Variants in GNAO1 observed in about 807,000 individuals in gnomAD.
The protein encoded by GNAO1 is guanine nucleotide-binding protein G(o) subunit alpha.
For synonymous variants in GNAO1, 164 were observed against 180.7 expected (o/e 0.91, Z 0.74); for missense variants, 166 against 478.7 (o/e 0.35, Z 6.10).
At chr16:56,203,922 TC>T (rs1276907885) in intron 2 of GNAO1, among the ~76,000 whole-genome samples, 1 of 152,152 alleles carries the variant, frequency 6.6e-6, no homozygotes, top group African/African-American at 2.4e-5. Context: ...ATTATAGGGT[TC>T]CCTGATAGTT....
At position 56,243,730 on chromosome 16, in the gene GNAO1, G is replaced by A. The variant is rs1596817446; in HGVS notation, c.162-32201G>A. On this transcript the variant is annotated intron_variant, in intron 2 of 8. Coordinates refer to ENST00000262493, the MANE Select transcript of GNAO1 (RefSeq NM_020988.3). ...TGTTCCAGAATTGACTATAGTGATG[G>A]TTGTACATATCTGTGACTGTACCAA... is the stretch of plus-strand genomic sequence containing the variant. Among the ~76,000 whole-genome samples, 10 of 152,222 alleles carry A rather than the reference G, an allele frequency of 6.6e-5. No individual in the cohort carries two copies. In the South Asian group the frequency reaches 2.1e-3, roughly 32 times the overall value.
intron 3 of GNAO1, among the ~76,000 whole-genome samples, chr16:56,296,624 G>C (rs1299205714): frequency 1.3e-5 from 2 of 152,158 alleles, no homozygotes; most frequent in Non-Finnish European, 2.9e-5. Context: ...TGCCCAGCTG[G>C]TCACCCTCAC....
chr16:56,244,756 G>T (rs2036727050), intron 2 of GNAO1, among the ~76,000 whole-genome samples: 1 of 152,172 alleles, frequency 6.6e-6, no homozygotes, highest in South Asian at 2.1e-4. Context: ...TGTGCAGAGT[G>T]TGGGCTGGCC....
At chr16:56,211,190 T>A (rs1246354748) in intron 2 of GNAO1, among the ~76,000 whole-genome samples, 1 of 152,216 alleles carries the variant, frequency 6.6e-6, no homozygotes, top group African/African-American at 2.4e-5. Context: ...TTATTTACAA[T>A]GCTTAATATG....
intron 3 of GNAO1, among the ~76,000 whole-genome samples, chr16:56,315,962 G>A (rs1416870287): frequency 2.6e-5 from 4 of 152,080 alleles, no homozygotes; most frequent in Non-Finnish European, 5.9e-5. Context: ...GGGAGGCTGA[G>A]GCAGGAGAAT....
At chr16:56,349,938 A>G (rs1312004736) in intron 6 of GNAO1, among the ~76,000 whole-genome samples, 1 of 152,210 alleles carries the variant, frequency 6.6e-6, no homozygotes, top group Non-Finnish European at 1.5e-5. Context: ...GCCTGCTGAT[A>G]TGGACTGGAG....
At position 56,217,572 on chromosome 16, in the gene GNAO1, T is replaced by C. The variant is rs79965980; in HGVS notation, c.161+24956T>C. On this transcript the variant is annotated intron_variant, in intron 2 of 8. Coordinates refer to ENST00000262493, the MANE Select transcript of GNAO1 (RefSeq NM_020988.3). ...TGAATAAAGTAAGTGAAGTGAAGTATTGAATGAGTGTTTGTGAGGCCCTGG... is the reference window on the plus strand; with the variant it reads ...TGAATAAAGTAAGTGAAGTGAAGTACTGAATGAGTGTTTGTGAGGCCCTGG... Among the ~76,000 whole-genome samples the C allele has an allele frequency of 9.8e-3, 1,487 of 152,266 alleles. 27 individuals are homozygous for C. The highest frequency in any genetic ancestry group is 0.034 in the African/African-American group (1,409 of 41,538).
chr16:56,198,678 T>C (rs1233663636), intron 2 of GNAO1, among the ~76,000 whole-genome samples: 1 of 152,208 alleles, frequency 6.6e-6, no homozygotes, highest in African/African-American at 2.4e-5. Context: ...ACATATGAAA[T>C]GTGCTTTGAG....
rs2037723624 is a variant in GNAO1 at position 56,334,715 on chromosome 16, G to C, written c.465-14G>C. 3.7e-6 allele frequency: 6 copies of C among 1,613,796 alleles called. No homozygotes were observed. The East Asian group carries it at 1.3e-4, about 36-fold the overall frequency. ...GCATTTGGTCCATAGTCCCCTGTTT[G>C]TTGCCATCCTCAGCTACCTGGACAG... is the stretch of plus-strand genomic sequence containing the variant. On this transcript the variant is annotated splice_polypyrimidine_tract_variant and intron_variant, in intron 4 of 8. Coordinates refer to ENST00000262493, the MANE Select transcript of GNAO1 (RefSeq NM_020988.3).
At chr16:56,267,317 C>G (rs1425797620) in intron 2 of GNAO1, among the ~76,000 whole-genome samples, 1 of 152,160 alleles carries the variant, frequency 6.6e-6, no homozygotes, top group Non-Finnish European at 1.5e-5. Context: ...CATGCCTTCT[C>G]CTTGAGTCAA....
At chr16:56,349,032 A>G (rs140273693) in intron 6 of GNAO1, among the ~76,000 whole-genome samples, 143 of 152,310 alleles carry the variant, frequency 9.4e-4, no homozygotes, top group African/African-American at 3.3e-3. Context: ...AGAGCCCTGC[A>G]CACAGATGCC....
chr16:56,210,929 A>G (rs1279109532), intron 2 of GNAO1, among the ~76,000 whole-genome samples: 1 of 152,326 alleles, frequency 6.6e-6, no homozygotes, highest in East Asian at 1.9e-4. Flanking sequence ...TTTCTGGTAT[A>G]TAGAAATACA....
chr16:56,301,520 T>C (rs1271637268), intron 3 of GNAO1, among the ~76,000 whole-genome samples: 1 of 152,240 alleles, frequency 6.6e-6, no homozygotes, highest in Admixed American at 6.5e-5. Context: ...CTTTCTCTGT[T>C]TGCCCTCTAA....
At chr16:56,273,111 C>A (rs1459261138) in intron 2 of GNAO1, among the ~76,000 whole-genome samples, 1 of 152,194 alleles carries the variant, frequency 6.6e-6, no homozygotes, top group Non-Finnish European at 1.5e-5. Context: ...ACTTTTTTCA[C>A]ATACAAGAAT....
chr16:56,251,432 G>A (rs78102535), intron 2 of GNAO1, among the ~76,000 whole-genome samples: 2,626 of 152,332 alleles, frequency 0.017, 51 homozygotes, highest in African/African-American at 0.034. Flanking sequence ...AGTGCAATAT[G>A]TAAATGGTAA....
At position 56,275,404 on chromosome 16, in the gene GNAO1, G is replaced by A. The variant is rs77116345; in HGVS notation, c.162-527G>A. Among the ~76,000 whole-genome samples the A allele has an allele frequency of 3.4e-4, 52 of 152,304 alleles. No homozygotes were observed. The East Asian group carries it at 4.6e-3, about 14-fold the overall frequency. ...ATCCTAGCCAAGGATGAAAAAGTAGGCAAACCCTTTTATTGACTTTTCTGT... is the reference window on the plus strand; with the variant it reads ...ATCCTAGCCAAGGATGAAAAAGTAGACAAACCCTTTTATTGACTTTTCTGT... On this transcript the variant is annotated intron_variant, in intron 2 of 8. Transcript: ENST00000262493.
At chr16:56,345,584 G>A (rs114942894) in intron 6 of GNAO1, 41,960 of 985,252 alleles carry the variant, frequency 0.043, 1,293 homozygotes, top group African/African-American at 0.13. Context: ...TCTGGCAGCC[G>A]GACTGCAGGA....
At chr16:56,350,021 A>G (rs1348600804) in intron 6 of GNAO1, among the ~76,000 whole-genome samples, 2 of 152,182 alleles carry the variant, frequency 1.3e-5, no homozygotes, top group African/African-American at 4.8e-5. Context: ...GATGAGGTTA[A>G]GTGACATGGG....
intron 6 of GNAO1, among the ~76,000 whole-genome samples, chr16:56,342,153 G>A (rs1269404499): frequency 6.6e-6 from 1 of 152,190 alleles, no homozygotes; most frequent in Non-Finnish European, 1.5e-5. Flanking sequence ...TAGTGACCCG[G>A]GCTTGTGGCC....
Sources: allele counts gnomAD v4.1 joint callset (sites outside exome capture counted in the v4.1 genomes callset), GRCh38; gene constraint gnomAD v4.1.1; transcripts MANE v1.5; gene names NCBI Gene and HGNC (gene_info 2026-07-23, HGNC 2026-07-21).